The following DRC11 variants were observed in gnomAD, a reference collection of about 807,000 sequenced individuals.
The protein encoded by DRC11 is dynein regulatory complex subunit 11.
At chr2:236,491,006 T>C in the DRC11 span, among the ~76,000 whole-genome samples, 1 of 134,642 alleles carries the variant, frequency 7.4e-6, no homozygotes, top group Non-Finnish European at 1.7e-5. Context: ...ATATATTGTG[T>C]GTATATATGT....
At chr2:236,448,751 G>C in the DRC11 span, among the ~76,000 whole-genome samples, 1 of 152,252 alleles carries the variant, frequency 6.6e-6, no homozygotes, top group Non-Finnish European at 1.5e-5. The surrounding 1 kb of genome is among the most constrained non-coding windows in gnomAD (Gnocchi z 5.3). Context: ...GACAAGGCTG[G>C]TGGTCGGGGC....
At chr2:236,446,123 C>T in the DRC11 span, among the ~76,000 whole-genome samples, 1 of 152,192 alleles carries the variant, frequency 6.6e-6, no homozygotes, top group Non-Finnish European at 1.5e-5. The surrounding 1 kb of genome is among the most constrained non-coding windows in gnomAD (Gnocchi z 6.2). Context: ...CCTCGATTTT[C>T]AGCTGTGTCC....
the DRC11 span, among the ~76,000 whole-genome samples, chr2:236,413,553 T>C: frequency 6.6e-6 from 1 of 152,284 alleles, no homozygotes; most frequent in East Asian, 1.9e-4. The surrounding 1 kb of genome is among the most constrained non-coding windows in gnomAD (Gnocchi z 4.0). Flanking sequence ...GCTTAATGGT[T>C]CAATTTGGAG....
At chr2:236,323,790 A>G in the DRC11 span, among the ~76,000 whole-genome samples, 7 of 152,228 alleles carry the variant, frequency 4.6e-5, no homozygotes, top group African/African-American at 1.7e-4. This position sits in a 1 kb window ranked among gnomAD's most constrained non-coding sequence, Gnocchi z 6.4. Flanking sequence ...TCTTACCACA[A>G]TTTAGAAGTG....
chr2:236,429,403 C>T, the DRC11 span, among the ~76,000 whole-genome samples: 1 of 152,160 alleles, frequency 6.6e-6, no homozygotes, highest in South Asian at 2.1e-4. This position sits in a 1 kb window ranked among gnomAD's most constrained non-coding sequence, Gnocchi z 5.9. Flanking sequence ...GGTGCATGCA[C>T]ATGTAGCTAC....
At chr2:236,491,123 G>GTATA in the DRC11 span, among the ~76,000 whole-genome samples, 3 of 57,336 alleles carry the variant, frequency 5.2e-5, no homozygotes, top group East Asian at 1.3e-3. Context: ...TATACAGTGT[G>GTATA]TATATATATA....
At chr2:236,352,153 T>G in the DRC11 span, among the ~76,000 whole-genome samples, 1 of 151,390 alleles carries the variant, frequency 6.6e-6, no homozygotes, top group Non-Finnish European at 1.5e-5. This position sits in a 1 kb window ranked among gnomAD's most constrained non-coding sequence, Gnocchi z 7.0. Flanking sequence ...AAGGGATGGG[T>G]CTGGAGCGAT....
At chr2:236,335,610 A>G in the DRC11 span, among the ~76,000 whole-genome samples, 1 of 152,212 alleles carries the variant, frequency 6.6e-6, no homozygotes, top group African/African-American at 2.4e-5. This position sits in a 1 kb window ranked among gnomAD's most constrained non-coding sequence, Gnocchi z 5.6. Context: ...CTGACCATCC[A>G]TCAATAGCTT....
At chr2:236,447,329 G>T in the DRC11 span, among the ~76,000 whole-genome samples, 1 of 151,794 alleles carries the variant, frequency 6.6e-6, no homozygotes, top group East Asian at 1.9e-4. The surrounding 1 kb of genome is among the most constrained non-coding windows in gnomAD (Gnocchi z 4.6). Context: ...TAGGGCTGGT[G>T]TCCTCGTGAG....
At chr2:236,419,177 T>G in the DRC11 span, 1 of 1,535,876 alleles carries the variant, frequency 6.5e-7, no homozygotes, top group Non-Finnish European at 8.7e-7. The surrounding 1 kb of genome is among the most constrained non-coding windows in gnomAD (Gnocchi z 4.8). Flanking sequence ...TCCTTTCTTT[T>G]GTTTTTTGGC....
At chr2:236,319,401 A>C in the DRC11 span, among the ~76,000 whole-genome samples, 1 of 152,244 alleles carries the variant, frequency 6.6e-6, no homozygotes, top group African/African-American at 2.4e-5. The surrounding 1 kb of genome is among the most constrained non-coding windows in gnomAD (Gnocchi z 6.7). Flanking sequence ...AGCTGGGATG[A>C]AGCCTGAGTT....
At chr2:236,355,229 G>C in the DRC11 span, among the ~76,000 whole-genome samples, 1 of 152,152 alleles carries the variant, frequency 6.6e-6, no homozygotes, top group Non-Finnish European at 1.5e-5. Context: ...CTGGGCGCTA[G>C]TGAGGTGTCT....
the DRC11 span, chr2:236,497,075 G>C: frequency 9.8e-7 from 1 of 1,023,174 alleles, no homozygotes; most frequent in Non-Finnish European, 1.4e-6. This position sits in a 1 kb window ranked among gnomAD's most constrained non-coding sequence, Gnocchi z 5.1. Flanking sequence ...CGGACAGGAA[G>C]TCTGTAGAGT....
chr2:236,495,953 G>T, the DRC11 span, among the ~76,000 whole-genome samples: 1 of 152,172 alleles, frequency 6.6e-6, no homozygotes, highest in African/African-American at 2.4e-5. This position sits in a 1 kb window ranked among gnomAD's most constrained non-coding sequence, Gnocchi z 5.6. Flanking sequence ...GATGCAGCAG[G>T]AAAGGCAAGG....
chr2:236,328,598 C>T, the DRC11 span, among the ~76,000 whole-genome samples: 1 of 147,920 alleles, frequency 6.8e-6, no homozygotes, highest in Non-Finnish European at 1.5e-5. The surrounding 1 kb of genome is among the most constrained non-coding windows in gnomAD (Gnocchi z 6.7). Flanking sequence ...TGTATTAGCT[C>T]ATATAGTTGT....
At chr2:236,480,023 T>G in the DRC11 span, among the ~76,000 whole-genome samples, 3 of 106,380 alleles carry the variant, frequency 2.8e-5, no homozygotes, top group African/African-American at 1.5e-4. Context: ...GGTTGACAGG[T>G]TTTTTTTTTT....
chr2:236,372,992 TTGTC>T, the DRC11 span, among the ~76,000 whole-genome samples: 1 of 152,212 alleles, frequency 6.6e-6, no homozygotes, highest in Non-Finnish European at 1.5e-5. The surrounding 1 kb of genome is among the most constrained non-coding windows in gnomAD (Gnocchi z 4.5). Flanking sequence ...TGGATTTTCT[TTGTC>T]TGTCGTCAAT....
chr2:236,399,178 T>C, the DRC11 span, among the ~76,000 whole-genome samples: 1 of 152,040 alleles, frequency 6.6e-6, no homozygotes, highest in African/African-American at 2.4e-5. The surrounding 1 kb of genome is among the most constrained non-coding windows in gnomAD (Gnocchi z 7.0). Flanking sequence ...TTTGAAGAGA[T>C]GGGGTTTCAC....
chr2:236,340,428 G>T, the DRC11 span, among the ~76,000 whole-genome samples: 1 of 152,196 alleles, frequency 6.6e-6, no homozygotes, highest in Non-Finnish European at 1.5e-5. Context: ...CTGGCCCTAA[G>T]AACTTTGTGA....
Sources: gnomAD v4.1 joint callset for allele counts (sites outside exome capture counted in the v4.1 genomes callset) on GRCh38, gnomAD v4.1.1 for gene constraint, Gnocchi (gnomAD v3.1) non-coding constraint, MANE v1.5 for transcripts, NCBI Gene and HGNC (gene_info 2026-07-23, HGNC 2026-07-21) for gene names.